The following TENM2 variants were observed in gnomAD, a reference collection of about 807,000 sequenced individuals.
The protein encoded by TENM2 is teneurin-2.
A neutral mutation model predicts 245.2 loss-of-function variants in TENM2; 52 were observed. The observed-to-expected ratio is 0.21, with a 90% CI of 0.17 to 0.27. The LOEUF is 0.27. TENM2 is among the 10% of genes least tolerant of loss of function. TENM2 has a pLI of 1.00. For synonymous variants in TENM2, 1,363 were observed against 1,438.9 expected (o/e 0.95, Z 1.19); for missense variants, 3,046 against 3,666.8 (o/e 0.83, Z 4.37).
chr5:167,651,318 C>T (rs1472615668), intron 2 of TENM2, among the ~76,000 whole-genome samples: 1 of 151,954 alleles, frequency 6.6e-6, no homozygotes, highest in Non-Finnish European at 1.5e-5. Context: ...TGACTCTTGA[C>T]TCACTCTTTA....
At chr5:167,041,236 C>G in the TENM2 span, among the ~76,000 whole-genome samples, 3 of 152,160 alleles carry the variant, frequency 2.0e-5, no homozygotes, top group Non-Finnish European at 4.4e-5. Flanking sequence ...AGCTATGGAT[C>G]TCTTTAGAGG....
intron 2 of TENM2, among the ~76,000 whole-genome samples, chr5:167,776,593 G>GGAAAAAAAAAAAAAAAAAAAA: frequency 2.8e-5 from 1 of 36,026 alleles, no homozygotes; most frequent in African/African-American, 8.7e-5. Flanking sequence ...GACCCTGTCT[G>GGAAAAAAAAAAAAAAAAAAAA]AAAAAAAAAA....
intron 2 of TENM2, among the ~76,000 whole-genome samples, chr5:167,573,353 C>G (rs937016657): frequency 2.0e-5 from 3 of 152,092 alleles, no homozygotes; most frequent in African/African-American, 7.2e-5. Context: ...AGTTTTCAAA[C>G]CTGGGAGATA....
At chr5:167,472,893 T>G (rs1469427300) in intron 2 of TENM2, among the ~76,000 whole-genome samples, 2 of 152,166 alleles carry the variant, frequency 1.3e-5, no homozygotes, top group Non-Finnish European at 2.9e-5. Flanking sequence ...TAGGAATACA[T>G]AAGCCCCTTT....
chr5:167,968,232 CTG>C (rs1470426893), intron 4 of TENM2, among the ~76,000 whole-genome samples: 1 of 152,150 alleles, frequency 6.6e-6, no homozygotes, highest in Non-Finnish European at 1.5e-5. Context: ...TGGGGCCATT[CTG>C]TGAGTATTCT....
intron 4 of TENM2, among the ~76,000 whole-genome samples, chr5:167,978,941 T>A (rs973848542): frequency 6.6e-6 from 1 of 152,158 alleles, no homozygotes; most frequent in African/African-American, 2.4e-5. Context: ...TCCAGTCTTC[T>A]CCTAGAAAGG....
At chr5:168,225,825 T>TCTAA (rs572806627) in intron 23 of TENM2, among the ~76,000 whole-genome samples, 10 of 151,726 alleles carry the variant, frequency 6.6e-5, no homozygotes, top group Non-Finnish European at 1.0e-4. Flanking sequence ...GGCTGTTTTC[T>TCTAA]CTAACTAACT....
chr5:168,052,281 C>T (rs1789164739), intron 6 of TENM2, among the ~76,000 whole-genome samples: 1 of 151,734 alleles, frequency 6.6e-6, no homozygotes, highest in Non-Finnish European at 1.5e-5. Context: ...GTCCCAGCTA[C>T]TCGGGAGGCT....
At chr5:167,586,759 CTCATT>C (rs1775524196) in intron 2 of TENM2, among the ~76,000 whole-genome samples, 1 of 152,170 alleles carries the variant, frequency 6.6e-6, no homozygotes, top group Non-Finnish European at 1.5e-5. Context: ...CACAGTATCC[CTCATT>C]TCCAAAGCGT....
At chr5:167,838,405 G>C (rs748296502) in intron 2 of TENM2, among the ~76,000 whole-genome samples, 11 of 152,124 alleles carry the variant, frequency 7.2e-5, no homozygotes, top group Non-Finnish European at 1.5e-4. Flanking sequence ...CGTTCAAAGT[G>C]GCCATGTTTC....
intron 2 of TENM2, among the ~76,000 whole-genome samples, chr5:167,494,253 A>G (rs1768635410): frequency 6.6e-6 from 1 of 152,134 alleles, no homozygotes; most frequent in Non-Finnish European, 1.5e-5. Flanking sequence ...AACAAAGATA[A>G]TAAGCACACT....
chr5:167,064,900 G>A, the TENM2 span, among the ~76,000 whole-genome samples: 1 of 152,172 alleles, frequency 6.6e-6, no homozygotes, highest in African/African-American at 2.4e-5. Context: ...TAGGGGGAGA[G>A]TAACGAAAGG....
chr5:167,491,859 G>A (rs573625559), intron 2 of TENM2, among the ~76,000 whole-genome samples: 2 of 151,962 alleles, frequency 1.3e-5, no homozygotes, highest in African/African-American at 2.4e-5. Flanking sequence ...GTCATCAAGC[G>A]AATGAACAAA....
intron 5 of TENM2, among the ~76,000 whole-genome samples, chr5:167,996,034 T>C (rs1784024816): frequency 1.3e-5 from 2 of 152,252 alleles, no homozygotes; most frequent in East Asian, 3.9e-4. Context: ...CCCCAGGACC[T>C]TTATGGGCAG....
intron 12 of TENM2, among the ~76,000 whole-genome samples, chr5:168,153,525 C>G (rs1362186681): frequency 6.6e-6 from 1 of 152,122 alleles, no homozygotes; most frequent in African/African-American, 2.4e-5. Context: ...GTGCAGGGAG[C>G]GTAGTTCAGA....
At chr5:167,303,581 G>T (rs539148330) in intron 1 of TENM2, among the ~76,000 whole-genome samples, 42 of 152,124 alleles carry the variant, frequency 2.8e-4, no homozygotes, top group Admixed American at 6.5e-4. Context: ...TTCTTTTGTG[G>T]TGGAATGTCA....
intron 2 of TENM2, among the ~76,000 whole-genome samples, chr5:167,522,090 T>C (rs771903340): frequency 2.0e-5 from 3 of 152,160 alleles, no homozygotes; most frequent in Non-Finnish European, 4.4e-5. Context: ...AAGTGACCAG[T>C]TGAGTTGTCC....
intron 27 of TENM2, among the ~76,000 whole-genome samples, chr5:168,258,817 G>A (rs1371766797): frequency 6.6e-6 from 1 of 152,156 alleles, no homozygotes; most frequent in Non-Finnish European, 1.5e-5. Context: ...CATTGTGAAT[G>A]TACTGGAAAC....
chr5:167,124,008 A>C, the TENM2 span, among the ~76,000 whole-genome samples: 3 of 152,208 alleles, frequency 2.0e-5, no homozygotes, highest in Admixed American at 2.0e-4. Flanking sequence ...CAATATAAAT[A>C]TGCATTTCTG....
Sources: allele counts gnomAD v4.1 joint callset (sites outside exome capture counted in the v4.1 genomes callset), GRCh38; gene constraint gnomAD v4.1.1; transcripts MANE v1.5; gene names NCBI Gene and HGNC (gene_info 2026-07-23, HGNC 2026-07-21).